The following RAB3GAP1 variants were observed in gnomAD, a reference collection of about 807,000 sequenced individuals.
RAB3GAP1 encodes the protein RAB3 GTPase activating protein catalytic subunit 1.
In RAB3GAP1, 86 loss-of-function variants were observed where a neutral mutation model predicts 130.7. The ratio of observed to expected loss-of-function variants is 0.66; its 90% CI spans 0.55 to 0.79. The LOEUF is 0.79. Among genes scored for constraint, RAB3GAP1 ranks in the 30% least tolerant of loss-of-function variants. RAB3GAP1 has a pLI of 0.00. For missense variants in RAB3GAP1, 1,029 were observed against 1,169.4 expected (o/e 0.88, Z 1.75); for synonymous variants, 367 against 401.7 (o/e 0.91, Z 1.03).
chr2:135,138,767 C>T (rs1477906052), intron 17 of RAB3GAP1, among the ~76,000 whole-genome samples: 1 of 151,900 alleles, frequency 6.6e-6, no homozygotes, highest in East Asian at 1.9e-4. Flanking sequence ...CACCACCATG[C>T]CAGGCTGATT....
intron 3 of RAB3GAP1, among the ~76,000 whole-genome samples, chr2:135,088,688 C>CAAAA (rs1162700077): frequency 7.4e-4 from 40 of 53,784 alleles, no homozygotes; most frequent in East Asian, 1.8e-3. Context: ...GACTCCATCT[C>CAAAA]AAAAAAAAAA....
chr2:135,126,543 G>A, intron 10 of RAB3GAP1, 40 bp from the exon 11 acceptor site: 1 of 1,514,864 alleles, frequency 6.6e-7, no homozygotes, highest in South Asian at 1.1e-5. Context: ...CTTGCAGATT[G>A]TCATAATTAG....
chr2:135,106,773 A>T (rs1011857462), intron 5 of RAB3GAP1, among the ~76,000 whole-genome samples: 9 of 151,244 alleles, frequency 6.0e-5, no homozygotes, highest in African/African-American at 2.2e-4. Flanking sequence ...AAAAATAAAA[A>T]AATAAAAAAG....
intron 5 of RAB3GAP1, among the ~76,000 whole-genome samples, chr2:135,103,034 G>GGTTTTTTTTTTTTTTTTTTTT (rs1355666279): frequency 4.0e-5 from 4 of 100,462 alleles, no homozygotes; most frequent in African/African-American, 2.7e-4. Flanking sequence ...TCATTTTTGT[G>GGTTTTTTTTTTTTTTTTTTTT]ATTTTTTTTT....
intron 3 of RAB3GAP1, among the ~76,000 whole-genome samples, chr2:135,090,619 A>G (rs946131624): frequency 6.6e-6 from 1 of 152,218 alleles, no homozygotes; most frequent in Admixed American, 6.5e-5. Context: ...TAAGTGCTAC[A>G]GGTGTCATGC....
chr2:135,068,155 C>T (rs1446363664), intron 3 of RAB3GAP1, among the ~76,000 whole-genome samples: 1 of 152,066 alleles, frequency 6.6e-6, no homozygotes, highest in Non-Finnish European at 1.5e-5. Flanking sequence ...TCTTAGAGCA[C>T]CTATCAGTTA....
At chr2:135,122,303 C>G (rs1346869356) in intron 8 of RAB3GAP1, among the ~76,000 whole-genome samples, 1 of 152,084 alleles carries the variant, frequency 6.6e-6, no homozygotes, top group Non-Finnish European at 1.5e-5. Flanking sequence ...AGTTTTAGTT[C>G]CCAGGTAACA....
chr2:135,135,635 T>C lies in RAB3GAP1; in HGVS notation c.1626T>C (p.Thr542=), dbSNP rs756033959. Residue 542 remains threonine, a synonymous_variant, in exon 17 of 24, where the codon ACT becomes ACC. Transcript: ENST00000264158. ...EGKKTSASDV[T]NIYPGDAGKA... is the part of the protein sequence containing the mutation. ...AAAAGACAAGTGCTTCAGATGTCAC[T>C]AATATATATCCAGGGGATGCTGGAA... 4 of 1,612,736 alleles carry C rather than the reference T, an allele frequency of 2.5e-6. No homozygotes were observed. Among genetic ancestry groups the C allele is most frequent in the Non-Finnish European group, 2.5e-6 (3 of 1,179,476 alleles).
downstream of RAB3GAP1, among the ~76,000 whole-genome samples, chr2:135,171,434 G>A (rs746720271): frequency 6.6e-6 from 1 of 152,110 alleles, no homozygotes; most frequent in Non-Finnish European, 1.5e-5. Context: ...CTGCTCCTTA[G>A]AAGAAAGGTG....
At chr2:135,156,377 T>C (rs1195732296) in intron 19 of RAB3GAP1, among the ~76,000 whole-genome samples, 2 of 152,168 alleles carry the variant, frequency 1.3e-5, no homozygotes, top group Admixed American at 1.3e-4. Context: ...CTGGTAAAGA[T>C]AGCATATTTT....
chr2:135,060,131 A>C (rs1689125015), intron 3 of RAB3GAP1, among the ~76,000 whole-genome samples: 1 of 152,128 alleles, frequency 6.6e-6, no homozygotes. Flanking sequence ...GTCAACAATT[A>C]ATACTTTGCC....
At position 135,058,093 on chromosome 2, in the gene RAB3GAP1, T is replaced by A; in HGVS notation, c.150+7T>A. On this transcript the variant is annotated splice_region_variant and intron_variant, in intron 3 of 23. Transcript: ENST00000264158. ...GGGAAAGCCACTCGAAAAGGTCAGATCTATTTGCTGGTGTCTCTAAATGAC... is the reference window on the plus strand; with the variant it reads ...GGGAAAGCCACTCGAAAAGGTCAGAACTATTTGCTGGTGTCTCTAAATGAC... 6.2e-7 allele frequency: 1 copy of A among 1,601,492 alleles called. No homozygotes were observed. The highest frequency in any genetic ancestry group is 8.6e-7 in the Non-Finnish European group (1 of 1,168,664).
chr2:135,060,272 T>G (rs1689129249), intron 3 of RAB3GAP1, among the ~76,000 whole-genome samples: 1 of 149,160 alleles, frequency 6.7e-6, no homozygotes, highest in South Asian at 2.2e-4. Context: ...TTTTTTTTTT[T>G]TTTTTGAGAC....
At chr2:135,163,616 G>T (rs1420824239) in intron 22 of RAB3GAP1, among the ~76,000 whole-genome samples, 1 of 152,170 alleles carries the variant, frequency 6.6e-6, no homozygotes, top group South Asian at 2.1e-4. Context: ...AATGATTGGG[G>T]CATTCTCTTT....
At chr2:135,115,112 G>C (rs1690928151) in intron 6 of RAB3GAP1, 104 bp from the exon 7 acceptor site, 4 of 1,109,572 alleles carry the variant, frequency 3.6e-6, no homozygotes, top group Non-Finnish European at 4.0e-6. Context: ...TTCCAGTTTA[G>C]TGCTTTCAAA....
At chr2:135,164,509 C>T in intron 22 of RAB3GAP1, 85 bp from the exon 23 acceptor site, 2 of 1,029,654 alleles carry the variant, frequency 1.9e-6, no homozygotes, top group South Asian at 1.3e-5. Flanking sequence ...GAGGATTTGT[C>T]CACAAAACTC....
At position 135,113,182 on chromosome 2, in the gene RAB3GAP1, C is replaced by G. The variant is rs768154592; in HGVS notation, c.394C>G (p.Pro132Ala). The G allele has an allele frequency of 6.2e-7, 1 of 1,614,014 alleles. No individual in the cohort carries two copies. The highest frequency in any genetic ancestry group is 8.5e-7 in the Non-Finnish European group (1 of 1,179,996). The change falls in exon 6 of 24, where the codon CCT becomes GCT. Residue 132 changes from proline to alanine, a missense_variant. Physicochemically the swap from Pro to Ala is conservative, Grantham distance 27 (BLOSUM62 -1). Coordinates refer to ENST00000264158, the MANE Select transcript of RAB3GAP1 (RefSeq NM_012233.3). ...GCTACGTGAGTTCGTGGTGATTGCC[C>G]CTGCTGCACACAGTGACGCTGTTCT... is the stretch of plus-strand genomic sequence containing the variant. ...YGLREFVVIA[P>A]AAHSDAVLSE...
In RAB3GAP1 at chr2:135,071,546, A is replaced by G. The variant is rs1267197882; in HGVS notation, c.150+13460A>G. On this transcript the variant is annotated intron_variant, in intron 3 of 23. Transcript: ENST00000264158. Reference sequence around the variant, plus strand: ...CAGTCGTAGGTTAAAAAAAAAAAAAAGAATTATTAGAGAAAGTATGAAGAT... The same window carrying G: ...CAGTCGTAGGTTAAAAAAAAAAAAAGGAATTATTAGAGAAAGTATGAAGAT... Among the ~76,000 whole-genome samples the G allele has an allele frequency of 3.9e-5, 6 of 151,936 alleles. No individual in the cohort carries two copies. The East Asian group carries it at 7.7e-4, about 20-fold the overall frequency.
Position 135,162,339 on chromosome 2 carries a change from A to C in RAB3GAP1, c.2290-216A>C, listed in dbSNP as rs755186856. ...TCCTTATTTGTGTGTATTACATAAGAAAGCAGAAAAAAATAGAATATTTAT... is the reference window on the plus strand; with the variant it reads ...TCCTTATTTGTGTGTATTACATAAGCAAGCAGAAAAAAATAGAATATTTAT... On this transcript the variant is annotated intron_variant, in intron 19 of 23. Coordinates refer to ENST00000264158, the MANE Select transcript of RAB3GAP1 (RefSeq NM_012233.3). 5.6e-4 allele frequency: 306 copies of C among 548,048 alleles called. 2 individuals are homozygous for C. Among genetic ancestry groups the C allele is most frequent in the Non-Finnish European group, 6.6e-4 (204 of 308,764 alleles). 33.9% of individuals were successfully genotyped at this position (548,048 alleles called of 1,614,324 possible).
Sources: gnomAD v4.1 joint callset for allele counts (sites outside exome capture counted in the v4.1 genomes callset) on GRCh38, gnomAD v4.1.1 for gene constraint, MANE v1.5 for transcripts, NCBI Gene and HGNC (gene_info 2026-07-23, HGNC 2026-07-21) for gene names.